MARCHF7: variants seen among roughly 807,000 people sequenced by gnomAD.
The protein encoded by MARCHF7 is membrane associated ring-CH-type finger 7.
Under a neutral mutation model 76.5 loss-of-function variants are expected in MARCHF7, and 20 were observed. The observed-to-expected ratio is 0.26, with a 90% CI of 0.18 to 0.38. The LOEUF is 0.38. MARCHF7 is among the 10% of genes least tolerant of loss of function. The pLI, the probability that MARCHF7 is intolerant of heterozygous loss-of-function variation, is 1.00. For synonymous variants in MARCHF7, 295 were observed against 293.0 expected, an observed-to-expected ratio of 1.01 and a Z score of -0.07; for missense variants, 797 against 812.9, an observed-to-expected ratio of 0.98 and a Z score of 0.24.
At chr2:159,734,901 G>C (rs1703271709) in intron 4 of MARCHF7, among the ~76,000 whole-genome samples, 1 of 151,228 alleles carries the variant, frequency 6.6e-6, no homozygotes, top group African/African-American at 2.4e-5. Context: ...AAGATTGCTT[G>C]AGCCCAGGAG....
rs1225973173 is a variant in MARCHF7, at chr2:159,745,978, C to T, written c.514+41C>T. ...ATCAAGTATAACTTCTCATAATGTT[C>T]CATTTTCCTCTTTATGCATGTTACT... On this transcript the variant is annotated intron_variant, in intron 6 of 11. Coordinates refer to ENST00000409175, the MANE Select transcript of MARCHF7 (RefSeq NM_001282805.2). 6 of 1,524,192 alleles carry T rather than the reference C, an allele frequency of 3.9e-6. No homozygotes were observed. In the East Asian group the frequency reaches 9.2e-5, roughly 23 times the overall value. The allele number at this position is 1,524,192 out of a possible 1,614,324, so 94.4% of individuals were successfully genotyped here.
rs944664234 is a variant in MARCHF7, at chr2:159,726,813, A to G, written c.-14-2196A>G. Among the ~76,000 whole-genome samples, 5 of 152,290 alleles carry G rather than the reference A, an allele frequency of 3.3e-5. No individual in the cohort carries two copies. In the East Asian group the frequency reaches 9.6e-4, roughly 29 times the overall value. On this transcript the variant is annotated intron_variant, in intron 3 of 11. Coordinates refer to ENST00000409175, the MANE Select transcript of MARCHF7 (RefSeq NM_001282805.2). ...TTAAACAACTCCCCATCCCCTGCCA[A>G]CCACCAATCTTCTTTCTCTATGATT...
intron 11 of MARCHF7, 99 bp from the exon 12 acceptor site, chr2:159,767,185 T>C: frequency 1.2e-6 from 1 of 828,724 alleles, no homozygotes; most frequent in South Asian, 1.5e-5. Flanking sequence ...AATTGGGATT[T>C]TTGTTTTTAC....
intron 3 of MARCHF7, among the ~76,000 whole-genome samples, chr2:159,722,636 C>G (rs778002537): frequency 2.0e-5 from 3 of 152,146 alleles, no homozygotes; most frequent in Non-Finnish European, 4.4e-5. Flanking sequence ...AATGAATGGA[C>G]TTGAAAAGAT....
chr2:159,725,915 T>TA (rs1702109430), intron 3 of MARCHF7, among the ~76,000 whole-genome samples: 1 of 152,214 alleles, frequency 6.6e-6, no homozygotes, highest in African/African-American at 2.4e-5. Context: ...TCAGAAATCT[T>TA]ATCACGGGTG....
At chr2:159,754,947 T>G (rs1324463506) in intron 8 of MARCHF7, among the ~76,000 whole-genome samples, 1 of 152,192 alleles carries the variant, frequency 6.6e-6, no homozygotes, top group Admixed American at 6.5e-5. Context: ...TCTATAAAAG[T>G]GATTTTAAAG....
At chr2:159,736,918 C>T (rs1349724264) in intron 4 of MARCHF7, among the ~76,000 whole-genome samples, 1 of 152,176 alleles carries the variant, frequency 6.6e-6, no homozygotes, top group East Asian at 1.9e-4. Flanking sequence ...AGATAGCCCT[C>T]CACCTCTTCC....
At chr2:159,739,824 G>A (rs1309997276) in intron 4 of MARCHF7, among the ~76,000 whole-genome samples, 1 of 152,078 alleles carries the variant, frequency 6.6e-6, no homozygotes, top group Non-Finnish European at 1.5e-5. Flanking sequence ...ATATCTATAT[G>A]CTGATATTAA....
At chr2:159,736,445 T>A (rs1053505835) in intron 4 of MARCHF7, among the ~76,000 whole-genome samples, 1 of 152,238 alleles carries the variant, frequency 6.6e-6, no homozygotes, top group African/African-American at 2.4e-5. Flanking sequence ...TAATAGTTCC[T>A]TTGCTCATTT....
At position 159,748,920 on chromosome 2, in the gene MARCHF7, G is replaced by A; in HGVS notation, c.1613+17G>A. 1.3e-6 allele frequency: 2 copies of A among 1,531,900 alleles called. No individual in the cohort carries two copies. Among genetic ancestry groups the A allele is most frequent in the Non-Finnish European group, 1.7e-6 (2 of 1,144,774 alleles). The allele number at this position is 1,531,900 out of a possible 1,614,324, so 94.9% of individuals were successfully genotyped here. Reference sequence around the variant, plus strand: ...AAAAGAGAGGTAAATTCGAATACCTGTCTTAAGCCTATAAATCAAAAATAG... The same window carrying A: ...AAAAGAGAGGTAAATTCGAATACCTATCTTAAGCCTATAAATCAAAAATAG... On this transcript the variant is annotated intron_variant, in intron 7 of 11. Coordinates refer to ENST00000409175, the MANE Select transcript of MARCHF7 (RefSeq NM_001282805.2).
rs75452281 is a variant in MARCHF7, at chr2:159,749,727, A to G, written c.1613+824A>G. Among the ~76,000 whole-genome samples the G allele has an allele frequency of 1.4e-3, 185 of 129,212 alleles. 1 individual carries two copies. The highest frequency in any genetic ancestry group is 5.0e-3 in the African/African-American group (175 of 35,070). The allele number at this position is 129,212 out of a possible 152,430, so 84.8% of individuals were successfully genotyped here. On this transcript the variant is annotated intron_variant, in intron 7 of 11. Coordinates refer to ENST00000409175, the MANE Select transcript of MARCHF7 (RefSeq NM_001282805.2). ...AAGAATTAATAACTGAAGGTAGGCA[A>G]TGGTTGGGGCGGGGGGGGCGGTTGT... is the stretch of plus-strand genomic sequence containing the variant.
intron 5 of MARCHF7, among the ~76,000 whole-genome samples, chr2:159,744,270 G>T (rs1035877166): frequency 2.0e-5 from 3 of 152,052 alleles, no homozygotes; most frequent in Non-Finnish European, 4.4e-5. Flanking sequence ...TTACAGGCGT[G>T]AGCCACCGCG....
At chr2:159,734,243 G>A (rs1195595066) in intron 4 of MARCHF7, among the ~76,000 whole-genome samples, 1 of 151,904 alleles carries the variant, frequency 6.6e-6, no homozygotes, top group Non-Finnish European at 1.5e-5. Context: ...CTTGTTGAGA[G>A]GTTGATTACT....
intron 4 of MARCHF7, among the ~76,000 whole-genome samples, chr2:159,731,521 G>A (rs534020972): frequency 1.4e-5 from 2 of 145,824 alleles, no homozygotes; most frequent in African/African-American, 2.5e-5. Context: ...TTGGGAGGCC[G>A]AGGCAGGTGG....
intron 4 of MARCHF7, among the ~76,000 whole-genome samples, chr2:159,731,793 GC>G (rs1702826887): frequency 6.6e-6 from 1 of 150,814 alleles, no homozygotes; most frequent in African/African-American, 2.4e-5. Flanking sequence ...TAAACAAATA[GC>G]ATTTTTTAAA....
At chr2:159,746,615 G>A (rs2125587542) in intron 6 of MARCHF7, among the ~76,000 whole-genome samples, 1 of 152,272 alleles carries the variant, frequency 6.6e-6, no homozygotes, top group East Asian at 1.9e-4. Context: ...TGGCCAGGCT[G>A]GTCTTGAACT....
chr2:159,764,722 A>G, intron 11 of MARCHF7, 48 bp downstream of exon 11: 1 of 1,506,642 alleles, frequency 6.6e-7, no homozygotes, highest in Non-Finnish European at 9.1e-7. Context: ...ACTTTTGCAA[A>G]TTAAACCCAA....
At position 159,747,808 on chromosome 2, in the gene MARCHF7, T is replaced by A. The variant is rs768151251; in HGVS notation, c.518T>A (p.Val173Asp). 6.4e-6 allele frequency: 10 copies of A among 1,567,500 alleles called. No homozygotes were observed. Among genetic ancestry groups the A allele is most frequent in the Middle Eastern group, 1.7e-4 (1 of 5,840 alleles). ...GTTATCTTCCTTTCAAAAATAGATG[T>A]TCAAGACAGAGTTCCTTCATATTCA... Reference protein sequence around the residue: ...RSGDFTTSSYVQDRVPSYSQG... With the variant: ...RSGDFTTSSYDQDRVPSYSQG... Residue 173 changes from valine (V) to aspartate (D), a missense_variant, in exon 7 of 12, where the codon GTT becomes GAT. Transcript: ENST00000409175.
rs1300727679 is a variant in MARCHF7, at chr2:159,770,518, T to TATC, written c.*3177_*3179dup. 4 of 152,164 alleles carry TATC rather than the reference T, an allele frequency of 2.6e-5. No homozygotes were observed. Among genetic ancestry groups the TATC allele is most frequent in the African/African-American group, 9.6e-5 (4 of 41,454 alleles). 9.4% of individuals were successfully genotyped at this position (152,164 alleles called of 1,614,324 possible). ...AAGCTAGTGAGATAGTATATCTATC[T>TATC]ATCTCCCCAGAAGAAAGTAAGATAA... On this transcript the variant is annotated 3_prime_UTR_variant, in exon 12 of 12. Coordinates refer to ENST00000409175, the MANE Select transcript of MARCHF7 (RefSeq NM_001282805.2).
Sources: allele counts gnomAD v4.1 joint callset (sites outside exome capture counted in the v4.1 genomes callset), GRCh38; gene constraint gnomAD v4.1.1; transcripts MANE v1.5; gene names NCBI Gene and HGNC (gene_info 2026-07-23, HGNC 2026-07-21).